ZC3H7B: variants seen among roughly 807,000 people sequenced by gnomAD.
The protein encoded by ZC3H7B is zinc finger CCCH domain-containing protein 7B.
In ZC3H7B, 35 loss-of-function variants were observed where a neutral mutation model predicts 116.0. That is an observed-to-expected ratio of 0.30 (90% CI 0.23 to 0.40). The LOEUF (loss-of-function observed/expected upper bound fraction) is 0.40. Ranked by LOEUF, ZC3H7B falls within the 10% of genes least tolerant of loss-of-function variation. The pLI, the probability that ZC3H7B is intolerant of heterozygous loss-of-function variation, is 1.00. For synonymous variants in ZC3H7B, 502 were observed against 545.6 expected (o/e 0.92, Z 1.11); for missense variants, 1,011 against 1,321.5 (o/e 0.77, Z 3.64).
intron 3 of ZC3H7B, 43 bp downstream of exon 3, chr22:41,325,640 A>G: frequency 6.2e-7 from 1 of 1,610,040 alleles, no homozygotes; most frequent in South Asian, 1.1e-5. Context: ...AAGGGCGGAG[A>G]TGTGCAGGGG....
rs562384941 is a variant in ZC3H7B at position 41,338,372 on chromosome 22, G to A, written c.625+17G>A. ...TCGAAACAGGTAATGTCCCCGATAC[G>A]AGGGAACAAGTGGAAATTGGGGCCC... On this transcript the variant is annotated intron_variant, in intron 8 of 22. Coordinates refer to ENST00000352645, the MANE Select transcript of ZC3H7B (RefSeq NM_017590.6). The surrounding 1 kb of genome is among the most constrained non-coding windows in gnomAD (Gnocchi z 4.5). 1.9e-5 allele frequency: 31 copies of A among 1,612,666 alleles called. No homozygotes were observed. In the East Asian group the frequency reaches 2.2e-4, roughly 12 times the overall value.
intron 2 of ZC3H7B, among the ~76,000 whole-genome samples, chr22:41,321,829 CTTTTTTTTTTTTTTT>C (rs199611879): frequency 0.34 from 31,228 of 91,784 alleles, 4,986 homozygotes; most frequent in Admixed American, 0.61. Flanking sequence ...AACTCACATT[CTTTTTTTTTTTTTTT>C]TTTTTTTTTT....
In ZC3H7B at chr22:41,340,108, G is replaced by A; in HGVS notation, c.1109G>A (p.Gly370Asp). The part of the protein sequence containing the change: ...DALDSFGSTR[G>D]SLDKPDSFME... ...CTCGACAGCTTTGGGTCGACACGAG[G>A]CTCCCTGGACAAACCTGACTCCTTC... The change falls in exon 10 of 23, where the codon GGC (glycine) becomes GAC (aspartate). Residue 370 changes from glycine (G) to aspartate (D), a missense_variant. Physicochemically the swap from Gly to Asp is moderately conservative, Grantham distance 94 (BLOSUM62 -1). Coordinates refer to ENST00000352645, the MANE Select transcript of ZC3H7B (RefSeq NM_017590.6). The A allele has an allele frequency of 1.9e-6, 3 of 1,610,458 alleles. No homozygotes were observed. Among genetic ancestry groups the A allele is most frequent in the South Asian group, 1.1e-5 (1 of 90,844 alleles).
intron 15 of ZC3H7B, 134 bp from the exon 16 acceptor site, chr22:41,348,986 C>G: frequency 1.0e-6 from 1 of 993,622 alleles, no homozygotes; most frequent in Non-Finnish European, 1.5e-6. Context: ...CCTGTGTCAT[C>G]CATGGCCTGG....
intron 1 of ZC3H7B, among the ~76,000 whole-genome samples, chr22:41,319,426 C>T (rs965017115): frequency 9.3e-5 from 14 of 150,470 alleles, no homozygotes; most frequent in Admixed American, 4.6e-4. Context: ...AAAAAGTAGC[C>T]GGGCATAGTG....
Position 41,348,138 on chromosome 22 carries a change from G to A in ZC3H7B, c.1737G>A (p.Leu579=). The A allele has an allele frequency of 6.2e-7, 1 of 1,613,952 alleles. No homozygotes were observed. Among genetic ancestry groups the A allele is most frequent in the Non-Finnish European group, 8.5e-7 (1 of 1,179,948 alleles). The change falls in exon 15 of 23, where the codon CTG becomes CTA. Residue 579 remains leucine (L), a synonymous_variant. Coordinates refer to ENST00000352645, the MANE Select transcript of ZC3H7B (RefSeq NM_017590.6). ...ACTCTCCGTCTGTCTGCTCCAACCTGGCTGCCAAGCACAGCTTCTACAACA... is the reference window on the plus strand; with the variant it reads ...ACTCTCCGTCTGTCTGCTCCAACCTAGCTGCCAAGCACAGCTTCTACAACA... ...TKDSPSVCSN[L]AAKHSFYNNK...
intron 16 of ZC3H7B, among the ~76,000 whole-genome samples, chr22:41,350,960 A>G (rs1313678168): frequency 6.6e-6 from 1 of 152,192 alleles, no homozygotes; most frequent in East Asian, 1.9e-4. Flanking sequence ...CGCTGAAAAG[A>G]GGGCAGGCTT....
rs148793938 is a variant in ZC3H7B, at chr22:41,353,377, C to T, written c.2034+1731C>T. On this transcript the variant is annotated intron_variant, in intron 17 of 22. Coordinates refer to ENST00000352645, the MANE Select transcript of ZC3H7B (RefSeq NM_017590.6). ...CCACCTGCGGCATTCCTGTCCATCA[C>T]CCCCAGGCGGGGATCAGAACCCTGG... Among the ~76,000 whole-genome samples the T allele has an allele frequency of 1.8e-3, 280 of 152,372 alleles. 1 individual carries two copies. Among genetic ancestry groups the T allele is most frequent in the African/African-American group, 6.4e-3 (268 of 41,600 alleles).
At chr22:41,330,141 C>A (rs200921857) in intron 6 of ZC3H7B, 38 bp downstream of exon 6, 22 of 1,609,190 alleles carry the variant, frequency 1.4e-5, no homozygotes, top group Non-Finnish European at 1.9e-5. Flanking sequence ...TCGGTGTGGA[C>A]GTGAGGAGGT....
rs1265046726 is a variant in ZC3H7B, at chr22:41,357,604, C to T, written c.*175C>T. ...CCACCACCGCCCCGGTGTGCGTACC[C>T]AGGCGCACGTGCTGCAGCCCCCGGA... On this transcript the variant is annotated 3_prime_UTR_variant, in exon 23 of 23. Coordinates refer to ENST00000352645, the MANE Select transcript of ZC3H7B (RefSeq NM_017590.6). This position sits in a 1 kb window ranked among gnomAD's most constrained non-coding sequence, Gnocchi z 5.4. 1 of 898,962 alleles carries T rather than the reference C, an allele frequency of 1.1e-6. No homozygotes were observed. The highest frequency in any genetic ancestry group is 1.7e-5 in the African/African-American group (1 of 59,584). The allele number at this position is 898,962 out of a possible 1,614,324, so 55.7% of individuals were successfully genotyped here.
At chr22:41,316,067 C>T (rs916726295) in intron 1 of ZC3H7B, among the ~76,000 whole-genome samples, 3 of 151,212 alleles carry the variant, frequency 2.0e-5, no homozygotes, top group African/African-American at 7.3e-5. Flanking sequence ...TATCTCGGCT[C>T]ACCACAACCT....
intron 11 of ZC3H7B, among the ~76,000 whole-genome samples, chr22:41,342,128 C>T (rs1042221255): frequency 1.3e-5 from 2 of 152,018 alleles, no homozygotes; most frequent in South Asian, 4.1e-4. Flanking sequence ...TGGGGAATTT[C>T]CCTAACCTCT....
At chr22:41,315,842 A>G (rs1279190406) in intron 1 of ZC3H7B, among the ~76,000 whole-genome samples, 1 of 152,156 alleles carries the variant, frequency 6.6e-6, no homozygotes, top group Non-Finnish European at 1.5e-5. Context: ...TATAGGCCCT[A>G]TCTTCAGATA....
At chr22:41,343,897 T>C (rs901464389) in intron 13 of ZC3H7B, among the ~76,000 whole-genome samples, 1 of 152,048 alleles carries the variant, frequency 6.6e-6, no homozygotes, top group Non-Finnish European at 1.5e-5. Flanking sequence ...CTCTTACCAC[T>C]GTAGGGCCCT....
chr22:41,304,239 T>C (rs551273086), intron 1 of ZC3H7B, among the ~76,000 whole-genome samples: 8 of 151,920 alleles, frequency 5.3e-5, no homozygotes, highest in East Asian at 2.0e-4. Flanking sequence ...TTCTTTCTTT[T>C]TTTTTGACAG....
chr22:41,314,125 T>G (rs1216921555), intron 1 of ZC3H7B, among the ~76,000 whole-genome samples: 2 of 151,584 alleles, frequency 1.3e-5, no homozygotes, highest in Non-Finnish European at 2.9e-5. Flanking sequence ...CTTTTTATGT[T>G]TTTTGCCCTT....
At chr22:41,345,873 T>G in intron 13 of ZC3H7B, 130 bp from the exon 14 acceptor site, 1 of 890,646 alleles carries the variant, frequency 1.1e-6, no homozygotes, top group East Asian at 2.4e-5. Context: ...CTCACCTAGC[T>G]GTGTTGGGGT....
chr22:41,326,948 C>T (rs2036326837), intron 4 of ZC3H7B, among the ~76,000 whole-genome samples: 1 of 152,146 alleles, frequency 6.6e-6, no homozygotes, highest in Non-Finnish European at 1.5e-5. Context: ...TGTAGATCTT[C>T]AGGCCCTTCC....
intron 6 of ZC3H7B, among the ~76,000 whole-genome samples, chr22:41,330,531 C>G (rs775024063): frequency 2.0e-5 from 3 of 152,214 alleles, no homozygotes; most frequent in African/African-American, 4.8e-5. Flanking sequence ...ACTCGTGACT[C>G]GAGTCTCTGC....
Sources: allele counts gnomAD v4.1 joint callset (sites outside exome capture counted in the v4.1 genomes callset), GRCh38; gene constraint gnomAD v4.1.1; non-coding constraint Gnocchi (gnomAD v3.1); transcripts MANE v1.5; gene names NCBI Gene and HGNC (gene_info 2026-07-23, HGNC 2026-07-21).